Variants in TSHZ2 observed in about 807,000 individuals in gnomAD.
TSHZ2 encodes the protein teashirt homolog 2.
Under a neutral mutation model 74.4 loss-of-function variants are expected in TSHZ2, and 21 were observed. That is an observed-to-expected ratio of 0.28 (90% CI 0.20 to 0.41). TSHZ2 has a LOEUF of 0.41. TSHZ2 is among the 10% of genes least tolerant of loss of function. TSHZ2 has a pLI of 1.00. For missense variants in TSHZ2, 1,244 were observed against 1,293.5 expected (o/e 0.96, Z 0.59); for synonymous variants, 540 against 515.3 (o/e 1.05, Z -0.65).
chr20:53,319,685 C>G (rs898983482), intron 2 of TSHZ2, among the ~76,000 whole-genome samples: 2 of 152,258 alleles, frequency 1.3e-5, no homozygotes, highest in Non-Finnish European at 2.9e-5. Flanking sequence ...TGGGCTCTGT[C>G]ACTTACTGCT....
chr20:52,976,827 CA>C (rs1981357457), intron 1 of TSHZ2, among the ~76,000 whole-genome samples: 2 of 152,170 alleles, frequency 1.3e-5, no homozygotes, highest in Admixed American at 6.5e-5. Context: ...CCTGCCCACC[CA>C]AAGCAATTAG....
rs563112554 is a variant in TSHZ2, at chr20:53,389,346, C to T, written c.*9-97798C>T. ...TGTAGTTTTCACTTAAGCCCGGACT[C>T]GAAGCTCAACTCCTACACGATTGTG... On this transcript the variant is annotated intron_variant, in intron 2 of 2. Transcript: ENST00000371497. 1.1e-4 allele frequency among the ~76,000 whole-genome samples: 17 copies of T among 152,272 alleles called. No individual in the cohort carries two copies. The East Asian group carries it at 1.5e-3, about 14-fold the overall frequency.
intron 1 of TSHZ2, among the ~76,000 whole-genome samples, chr20:53,032,613 A>G (rs1343412836): frequency 6.6e-6 from 1 of 152,176 alleles, no homozygotes; most frequent in Non-Finnish European, 1.5e-5. Context: ...AGCAGAGTTC[A>G]TTGTCAAAGC....
intron 1 of TSHZ2, among the ~76,000 whole-genome samples, chr20:53,220,244 A>G (rs186213085): frequency 1.6e-4 from 25 of 152,364 alleles, no homozygotes; most frequent in African/African-American, 6.0e-4. Flanking sequence ...TAATTGGAGC[A>G]AAAAGCTACT....
rs1413642081 is a variant in TSHZ2, at chr20:53,495,105, C to G, written c.*7970C>G. 6.6e-6 allele frequency: 1 copy of G among 151,792 alleles called. No individual in the cohort carries two copies. The highest frequency in any genetic ancestry group is 2.4e-5 in the African/African-American group (1 of 41,296). 9.4% of individuals were successfully genotyped at this position (151,792 alleles called of 1,614,324 possible). A position where few individuals can be genotyped will look rare whatever the true frequency, so the allele number is the denominator to read the frequency against. ...CAAATGGCTTCATTTCAGTCAACGT[C>G]GACTTCTGCTTTGGCCAATTGAAAA... On this transcript the variant is annotated 3_prime_UTR_variant, in exon 3 of 3. Transcript: ENST00000371497.
chr20:53,205,027 G>T (rs1318310097), intron 1 of TSHZ2, among the ~76,000 whole-genome samples: 1 of 151,266 alleles, frequency 6.6e-6, no homozygotes, highest in East Asian at 1.9e-4. Flanking sequence ...GGAGGCAGAG[G>T]TTGCAGTGAG....
At chr20:53,327,356 GCGGGTGCCTGTAGTCCCAGCTACT>G (rs1472491246) in intron 2 of TSHZ2, among the ~76,000 whole-genome samples, 1 of 152,230 alleles carries the variant, frequency 6.6e-6, no homozygotes, top group Non-Finnish European at 1.5e-5. Context: ...ATGCGTGGTG[GCGGGTGCCTGTAGTCCCAGCTACT>G]CGGGAGGCTG....
At chr20:53,359,258 T>C (rs1980964738) in intron 2 of TSHZ2, among the ~76,000 whole-genome samples, 1 of 152,110 alleles carries the variant, frequency 6.6e-6, no homozygotes, top group African/African-American at 2.4e-5. Context: ...GTGAAAACTG[T>C]CTAGGGTCAG....
chr20:53,409,440 A>C (rs1982967605), intron 2 of TSHZ2, among the ~76,000 whole-genome samples: 1 of 151,080 alleles, frequency 6.6e-6, no homozygotes. Flanking sequence ...TTAATTAATC[A>C]TTTGAGGCTT....
chr20:53,272,200 T>C (rs1178418906), intron 2 of TSHZ2, among the ~76,000 whole-genome samples: 1 of 152,068 alleles, frequency 6.6e-6, no homozygotes, highest in African/African-American at 2.4e-5. Flanking sequence ...TTAGTAGAGA[T>C]AAGGTTTCAC....
chr20:53,183,010 T>C (rs1988518688), intron 1 of TSHZ2, among the ~76,000 whole-genome samples: 1 of 152,188 alleles, frequency 6.6e-6, no homozygotes, highest in African/African-American at 2.4e-5. Flanking sequence ...CACTTCTCCT[T>C]GAACTTGGTG....
At chr20:53,268,837 G>T (rs1277689598) in intron 2 of TSHZ2, among the ~76,000 whole-genome samples, 1 of 152,080 alleles carries the variant, frequency 6.6e-6, no homozygotes, top group Non-Finnish European at 1.5e-5. Flanking sequence ...TTTTTATCAC[G>T]ACTGTCAGAG....
intron 1 of TSHZ2, among the ~76,000 whole-genome samples, chr20:53,056,315 C>A (rs188813454): frequency 4.2e-4 from 64 of 152,226 alleles, no homozygotes; most frequent in Admixed American, 3.8e-3. Context: ...CAAACTGGAC[C>A]AACTATATAC....
At chr20:53,155,140 A>G (rs565288805) in intron 1 of TSHZ2, among the ~76,000 whole-genome samples, 1 of 144,740 alleles carries the variant, frequency 6.9e-6, no homozygotes, top group African/African-American at 2.6e-5. Flanking sequence ...GAGTGCTTCC[A>G]TGAGGACTGC....
At chr20:53,260,408 C>T (rs534758214) in intron 2 of TSHZ2, among the ~76,000 whole-genome samples, 1 of 152,282 alleles carries the variant, frequency 6.6e-6, no homozygotes, top group South Asian at 2.1e-4. Context: ...AGAAAGCCAT[C>T]GTTCCACAGC....
intron 2 of TSHZ2, among the ~76,000 whole-genome samples, chr20:53,257,112 C>A (rs929568348): frequency 6.6e-6 from 1 of 152,122 alleles, no homozygotes; most frequent in Non-Finnish European, 1.5e-5. Flanking sequence ...TGCTTTTTTG[C>A]AGCTTACTTT....
intron 1 of TSHZ2, among the ~76,000 whole-genome samples, chr20:52,999,350 G>A (rs1982325048): frequency 6.6e-6 from 1 of 152,226 alleles, no homozygotes; most frequent in Admixed American, 6.5e-5. Context: ...AAGATGCCAT[G>A]TGGTTAAAAA....
At chr20:53,338,484 C>G (rs1433110517) in intron 2 of TSHZ2, among the ~76,000 whole-genome samples, 1 of 152,154 alleles carries the variant, frequency 6.6e-6, no homozygotes, top group Non-Finnish European at 1.5e-5. Context: ...TGTCCCAGGT[C>G]AAACAAGTAG....
At chr20:53,367,998 C>A (rs945301755) in intron 2 of TSHZ2, among the ~76,000 whole-genome samples, 6 of 152,120 alleles carry the variant, frequency 3.9e-5, no homozygotes, top group Admixed American at 2.0e-4. Flanking sequence ...AAAGTAATTT[C>A]TGCACACTTG....
Sources: gnomAD v4.1 joint callset for allele counts (sites outside exome capture counted in the v4.1 genomes callset) on GRCh38, gnomAD v4.1.1 for gene constraint, MANE v1.5 for transcripts, NCBI Gene and HGNC (gene_info 2026-07-23, HGNC 2026-07-21) for gene names.